RPN2: variants seen among roughly 807,000 people sequenced by gnomAD.
RPN2 encodes ribophorin II.
Under a neutral mutation model 71.4 loss-of-function variants are expected in RPN2, and 29 were observed. The observed-to-expected ratio is 0.41, with a 90% confidence interval of 0.30 to 0.55. The LOEUF (loss-of-function observed/expected upper bound fraction) is 0.55, where lower values mean the gene tolerates loss of function less well. RPN2 is among the 20% of genes least tolerant of loss of function. The pLI is 0.35. For synonymous variants in RPN2, 308 were observed against 305.0 expected (o/e 1.01, Z -0.10); for missense variants, 726 against 774.1 (o/e 0.94, Z 0.74).
chr20:37,197,146 G>A (rs908871769), intron 2 of RPN2, among the ~76,000 whole-genome samples: 1 of 152,170 alleles, frequency 6.6e-6, no homozygotes, highest in African/African-American at 2.4e-5. Flanking sequence ...AGATTTTGGA[G>A]TTGGAGTTAG....
chr20:37,227,635 C>T (rs2068112348), intron 11 of RPN2, among the ~76,000 whole-genome samples: 1 of 152,208 alleles, frequency 6.6e-6, no homozygotes, highest in African/African-American at 2.4e-5. Flanking sequence ...TGTCACCCTG[C>T]CAACTCATTT....
chr20:37,224,997 G>C (rs1217195908), intron 10 of RPN2, among the ~76,000 whole-genome samples: 1 of 152,168 alleles, frequency 6.6e-6, no homozygotes, highest in Admixed American at 6.5e-5. Context: ...TCTTACTTAC[G>C]AGTAAATGTA....
chr20:37,184,062 A>G (rs1001295561), intron 1 of RPN2, 118 bp from the exon 2 acceptor site: 24 of 1,228,912 alleles, frequency 2.0e-5, no homozygotes, highest in Non-Finnish European at 2.9e-5. Context: ...AAACCCCTGG[A>G]TTCCCTCGCC....
chr20:37,198,166 C>G (rs2067293797), intron 2 of RPN2, among the ~76,000 whole-genome samples: 1 of 152,186 alleles, frequency 6.6e-6, no homozygotes, highest in Admixed American at 6.5e-5. Context: ...TTCCTTCTTT[C>G]CTTTCTAAGG....
intron 1 of RPN2, among the ~76,000 whole-genome samples, chr20:37,181,871 A>AT (rs2066891135): frequency 6.6e-6 from 1 of 151,156 alleles, no homozygotes; most frequent in East Asian, 1.9e-4. Context: ...TCTGTACTTT[A>AT]TTTTTTTCCA....
Position 37,224,047 on chromosome 20 carries a change from G to C in RPN2, c.1184+78G>C, listed in dbSNP as rs2076396. 0.8 allele frequency: 940,603 copies of C among 1,181,698 alleles called. 377,764 individuals are homozygous for C. Among genetic ancestry groups the C allele is most frequent in the African/African-American group, 0.97 (64,413 of 66,632 alleles). 73.2% of individuals were successfully genotyped at this position (1,181,698 alleles called of 1,614,324 possible). On this transcript the variant is annotated intron_variant, in intron 10 of 16. Coordinates refer to ENST00000237530, the MANE Select transcript of RPN2 (RefSeq NM_002951.5). ...GGAGTATGCCTAGGCACTGAGCCCT[G>C]CAGGCATCAGTTCTGTGTCAGCAGC... is the stretch of plus-strand genomic sequence containing the variant.
intron 4 of RPN2, among the ~76,000 whole-genome samples, chr20:37,202,074 T>C (rs2067402482): frequency 1.3e-5 from 2 of 152,180 alleles, no homozygotes; most frequent in Non-Finnish European, 2.9e-5. Context: ...TAAAACTCAG[T>C]GGATTAATTT....
chr20:37,199,344 T>A, intron 4 of RPN2, 119 bp downstream of exon 4: 1 of 1,274,972 alleles, frequency 7.8e-7, no homozygotes, highest in Non-Finnish European at 1.1e-6. Flanking sequence ...AATACTTCCG[T>A]GTGCCAGGTG....
chr20:37,198,246 T>C (rs2067296387), intron 2 of RPN2, 151 bp from the exon 3 acceptor site: 1 of 1,444,578 alleles, frequency 6.9e-7, no homozygotes, highest in Non-Finnish European at 9.4e-7. Context: ...GGTAATACCG[T>C]GTCCTATGGA....
In RPN2 at chr20:37,241,463, C is replaced by A. The variant is rs572333092; in HGVS notation, c.*148C>A. On this transcript the variant is annotated 3_prime_UTR_variant, in exon 17 of 17. Transcript: ENST00000237530. ...TGTAGTTATACTTTTGCTTGTTTTT[C>A]AGTTTCCCCAACACACAGCAGATAC... 27 of 914,202 alleles carry A rather than the reference C, an allele frequency of 3.0e-5. No individual in the cohort carries two copies. In the South Asian group the frequency reaches 3.4e-4, roughly 12 times the overall value. 56.6% of individuals were successfully genotyped at this position (914,202 alleles called of 1,614,324 possible).
At chr20:37,220,987 G>A (rs1010916681) in intron 9 of RPN2, among the ~76,000 whole-genome samples, 6 of 152,138 alleles carry the variant, frequency 3.9e-5, no homozygotes, top group African/African-American at 1.4e-4. Context: ...CAAGTTCACT[G>A]CAGTTTGCCC....
At chr20:37,229,684 A>G (rs1163012525) in intron 12 of RPN2, among the ~76,000 whole-genome samples, 1 of 152,174 alleles carries the variant, frequency 6.6e-6, no homozygotes, top group East Asian at 1.9e-4. Context: ...TCTGATTGCA[A>G]CTGTAACAGC....
chr20:37,182,257 C>A (rs1164035551), intron 1 of RPN2, among the ~76,000 whole-genome samples: 1 of 151,962 alleles, frequency 6.6e-6, no homozygotes, highest in Non-Finnish European at 1.5e-5. Flanking sequence ...TCACACCTGG[C>A]TAATTTTTGT....
At position 37,199,235 on chromosome 20, in the gene RPN2, C is replaced by A. The variant is rs2067325471; in HGVS notation, c.479+10C>A. 2 of 1,612,758 alleles carry A rather than the reference C, an allele frequency of 1.2e-6. No homozygotes were observed. Among genetic ancestry groups the A allele is most frequent in the African/African-American group, 1.3e-5 (1 of 74,912 alleles). On this transcript the variant is annotated intron_variant, in intron 4 of 16. Transcript: ENST00000237530. Reference sequence around the variant, plus strand: ...AGGAGACTGTGCTGGCGTGAGTTGTCATCTCGAGCATTTCTCAGGCTTCAT... The same window carrying A: ...AGGAGACTGTGCTGGCGTGAGTTGTAATCTCGAGCATTTCTCAGGCTTCAT...
chr20:37,188,646 C>T (rs931756989), intron 2 of RPN2, among the ~76,000 whole-genome samples: 1 of 150,008 alleles, frequency 6.7e-6, no homozygotes, highest in African/African-American at 2.5e-5. Flanking sequence ...GAGACAAGGC[C>T]TCGCTCTGTT....
intron 6 of RPN2, among the ~76,000 whole-genome samples, chr20:37,205,769 T>C (rs535124214): frequency 1.3e-5 from 2 of 152,362 alleles, no homozygotes; most frequent in Middle Eastern, 3.4e-3. Flanking sequence ...ATATACTCCC[T>C]TTTAATTTCT....
At chr20:37,182,364 GA>G (rs1421688930) in intron 1 of RPN2, among the ~76,000 whole-genome samples, 2 of 152,038 alleles carry the variant, frequency 1.3e-5, no homozygotes, top group Non-Finnish European at 2.9e-5. Flanking sequence ...AAAGTGCTGG[GA>G]TTACAGGCGT....
intron 1 of RPN2, among the ~76,000 whole-genome samples, chr20:37,181,303 C>G (rs964292709): frequency 1.3e-5 from 2 of 152,066 alleles, no homozygotes; most frequent in South Asian, 4.1e-4. Flanking sequence ...CCTCTGCTAC[C>G]TCTGTTACCT....
intron 2 of RPN2, among the ~76,000 whole-genome samples, chr20:37,196,232 C>A (rs184295194): frequency 1.4e-3 from 209 of 149,074 alleles, no homozygotes; most frequent in Admixed American, 3.1e-3. Context: ...GTCTCCCCCC[C>A]ACCTTTTTTT....
Sources: gnomAD v4.1 joint callset for allele counts (sites outside exome capture counted in the v4.1 genomes callset) on GRCh38, gnomAD v4.1.1 for gene constraint, MANE v1.5 for transcripts, NCBI Gene and HGNC (gene_info 2026-07-23, HGNC 2026-07-21) for gene names.